The following FAM193B variants were observed in gnomAD, a reference collection of about 807,000 sequenced individuals.
FAM193B encodes protein FAM193B.
Under a neutral mutation model 70.7 loss-of-function variants are expected in FAM193B, and 27 were observed. The observed-to-expected ratio is 0.38, with a 90% confidence interval of 0.28 to 0.53. The LOEUF (loss-of-function observed/expected upper bound fraction) is 0.53. FAM193B is among the 20% of genes least tolerant of loss of function. The pLI, the probability that FAM193B is intolerant of heterozygous loss-of-function variation, is 0.81. For synonymous variants in FAM193B, 448 were observed against 436.0 expected, an observed-to-expected ratio of 1.03 and a Z score of -0.34; for missense variants, 1,022 against 1,072.5, an observed-to-expected ratio of 0.95 and a Z score of 0.66.
chr5:177,548,163 T>G (rs1765710897), intron 1 of FAM193B, among the ~76,000 whole-genome samples: 1 of 152,246 alleles, frequency 6.6e-6, no homozygotes, highest in South Asian at 2.1e-4. Context: ...AAGAATGAAC[T>G]TGGCTTTGCT....
chr5:177,553,840 G>A, intron 1 of FAM193B: 5 of 1,281,090 alleles, frequency 3.9e-6, no homozygotes, highest in Non-Finnish European at 5.1e-6. Context: ...CGGGGGCAGA[G>A]GGAAGAGGCT....
At chr5:177,552,083 G>A (rs1438798013) in intron 1 of FAM193B, 1 of 985,204 alleles carries the variant, frequency 1.0e-6, no homozygotes, top group African/African-American at 1.7e-5. Flanking sequence ...ACCTACAGTT[G>A]GAGTCATTTG....
chr5:177,553,898 C>G, intron 1 of FAM193B: 1 of 1,226,476 alleles, frequency 8.2e-7, no homozygotes. Context: ...GCTGAGGGAG[C>G]AGGTGGGCCC....
chr5:177,542,717 C>G (rs1217275325), intron 1 of FAM193B, among the ~76,000 whole-genome samples: 1 of 152,258 alleles, frequency 6.6e-6, no homozygotes. Flanking sequence ...CCAACCTCCT[C>G]TAGGCTTTCT....
intron 1 of FAM193B, among the ~76,000 whole-genome samples, chr5:177,540,883 A>G (rs572432424): frequency 6.6e-5 from 10 of 152,166 alleles, no homozygotes; most frequent in Non-Finnish European, 1.5e-4. Context: ...TACCAATAAG[A>G]TAATGCCATC....
chr5:177,530,407 C>G (rs1055579708), intron 5 of FAM193B, among the ~76,000 whole-genome samples: 1 of 152,190 alleles, frequency 6.6e-6, no homozygotes, highest in Non-Finnish European at 1.5e-5. Context: ...CAAGCAAACA[C>G]CTGGGAGACA....
At chr5:177,543,241 CA>C (rs1327573822) in intron 1 of FAM193B, among the ~76,000 whole-genome samples, 1 of 152,176 alleles carries the variant, frequency 6.6e-6, no homozygotes, top group Admixed American at 6.5e-5. Flanking sequence ...GCAAGAAACA[CA>C]GGGCCTGAAA....
intron 1 of FAM193B, chr5:177,553,645 G>T: frequency 7.8e-7 from 1 of 1,274,744 alleles, no homozygotes; most frequent in Non-Finnish European, 1.0e-6. Flanking sequence ...CGGAGCAGGG[G>T]AGGGAAGAAG....
intron 1 of FAM193B, chr5:177,539,373 G>A: frequency 3.8e-6 from 2 of 527,438 alleles, no homozygotes; most frequent in Non-Finnish European, 6.5e-6. Context: ...AGTTGCCCAA[G>A]GTTAAAAGCT....
At chr5:177,544,045 C>T (rs1185904240) in intron 1 of FAM193B, among the ~76,000 whole-genome samples, 1 of 152,228 alleles carries the variant, frequency 6.6e-6, no homozygotes, top group Non-Finnish European at 1.5e-5. Context: ...TAGCCTTAGG[C>T]AAAAGATGAG....
chr5:177,554,499 C>A lies in FAM193B; in HGVS notation c.-41G>T. 2 of 754,292 alleles carry A rather than the reference C, an allele frequency of 2.7e-6. No individual in the cohort carries two copies. The highest frequency in any genetic ancestry group is 1.6e-6 in the Non-Finnish European group (1 of 628,100). 46.7% of individuals were successfully genotyped at this position (754,292 alleles called of 1,614,324 possible). A position where few individuals can be genotyped will look rare whatever the true frequency, so the allele number is the denominator to read the frequency against. ...GCTCCCTCGCTCCACACGCCGCCGCCGCCGCCGCCGCCGCCGCCGCCGCCG... is the reference window on the plus strand; with the variant it reads ...GCTCCCTCGCTCCACACGCCGCCGCAGCCGCCGCCGCCGCCGCCGCCGCCG... On this transcript the variant is annotated 5_prime_UTR_variant, in exon 1 of 9. Transcript: ENST00000514747.
chr5:177,531,563 G>C (rs1454587258), intron 5 of FAM193B: 1 of 1,225,928 alleles, frequency 8.2e-7, no homozygotes, highest in Non-Finnish European at 1.1e-6. Flanking sequence ...CCCTGGGCCT[G>C]GGGGGCCCAC....
chr5:177,532,272 A>G lies in FAM193B; in HGVS notation c.1275+171T>C, dbSNP rs1581878641. On this transcript the variant is annotated intron_variant, in intron 5 of 8. Transcript: ENST00000514747. The surrounding 1 kb of genome is among the most constrained non-coding windows in gnomAD (Gnocchi z 4.9). ...GGTAGCAAAATGTTTAAAAACCCCT[A>G]CCTCACAAATGTGCTGTGAGGATCA... The G allele has an allele frequency of 2.0e-6, 3 of 1,488,350 alleles. No individual in the cohort carries two copies. Among genetic ancestry groups the G allele is most frequent in the East Asian group, 4.9e-5 (2 of 40,474 alleles). 92.2% of individuals were successfully genotyped at this position (1,488,350 alleles called of 1,614,324 possible).
intron 1 of FAM193B, chr5:177,553,857 G>C: frequency 7.9e-7 from 1 of 1,268,634 alleles, no homozygotes. Flanking sequence ...GGCTGCAGTC[G>C]TCCAGTCCCA....
Position 177,522,151 on chromosome 5 carries a change from C to A in FAM193B, c.2373-80G>T. On this transcript the variant is annotated intron_variant, in intron 7 of 8. Transcript: ENST00000514747. ...CACTGGACTCCTAAGGTACCATGTC[C>A]CCATCACTAAGAGACCAGGTTCTCT... 4 of 1,135,538 alleles carry A rather than the reference C, an allele frequency of 3.5e-6. 1 individual carries two copies. Among genetic ancestry groups the A allele is most frequent in the Non-Finnish European group, 3.9e-6 (3 of 764,392 alleles). The allele number at this position is 1,135,538 out of a possible 1,614,324, so 70.3% of individuals were successfully genotyped here.
intron 5 of FAM193B, chr5:177,531,434 T>C (rs765211363): frequency 1.1e-5 from 15 of 1,359,494 alleles, no homozygotes; most frequent in Non-Finnish European, 9.8e-6. Context: ...CCCCCCTTCA[T>C]GGGCAGCTCC....
At chr5:177,522,580 TCCTC>T (rs1761929959) in intron 7 of FAM193B, among the ~76,000 whole-genome samples, 1 of 151,452 alleles carries the variant, frequency 6.6e-6, no homozygotes, top group Admixed American at 6.6e-5. Flanking sequence ...GCTCAAGTGA[TCCTC>T]CCACCTTGGC....
At chr5:177,526,462 C>T (rs1218767768) in intron 5 of FAM193B, among the ~76,000 whole-genome samples, 1 of 151,970 alleles carries the variant, frequency 6.6e-6, no homozygotes, top group Non-Finnish European at 1.5e-5. Flanking sequence ...TGGGTTGGAC[C>T]AACGAGGACC....
At chr5:177,551,115 G>A (rs1473532137) in intron 1 of FAM193B, among the ~76,000 whole-genome samples, 3 of 152,174 alleles carry the variant, frequency 2.0e-5, no homozygotes, top group Admixed American at 6.5e-5. Context: ...GATTACAGGC[G>A]TGAGCCACCA....
Sources: gnomAD v4.1 joint callset for allele counts (sites outside exome capture counted in the v4.1 genomes callset) on GRCh38, gnomAD v4.1.1 for gene constraint, Gnocchi (gnomAD v3.1) non-coding constraint, MANE v1.5 for transcripts, NCBI Gene and HGNC (gene_info 2026-07-23, HGNC 2026-07-21) for gene names.